FREM2: variants seen among roughly 807,000 people sequenced by gnomAD.
FREM2 encodes the protein FRAS1-related extracellular matrix protein 2.
FREM2 carries 119 observed loss-of-function variants against 219.9 expected under a neutral mutation model. That is an observed-to-expected ratio of 0.54 (90% confidence interval 0.47 to 0.63). FREM2 has a LOEUF of 0.63. FREM2 is among the 30% of genes least tolerant of loss of function. FREM2 has a pLI of 0.00. For missense variants in FREM2, 4,030 were observed against 3,993.6 expected (o/e 1.01, Z -0.25); for synonymous variants, 1,562 against 1,522.8 (o/e 1.03, Z -0.60).
intron 6 of FREM2, 69 bp downstream of exon 6, chr13:38,784,877 G>GA (rs1323287614): frequency 6.1e-6 from 9 of 1,484,870 alleles, no homozygotes; most frequent in Middle Eastern, 1.7e-4. Context: ...TTTCTAGACA[G>GA]AAAAAATGGG....
chr13:38,848,157 A>G (rs1877232352), intron 7 of FREM2, among the ~76,000 whole-genome samples: 1 of 152,190 alleles, frequency 6.6e-6, no homozygotes, highest in Non-Finnish European at 1.5e-5. Flanking sequence ...CCTGATTTTT[A>G]TTACCTTTAT....
chr13:38,727,042 A>G (rs1871557185), intron 2 of FREM2, among the ~76,000 whole-genome samples: 1 of 152,206 alleles, frequency 6.6e-6, no homozygotes, highest in East Asian at 1.9e-4. Flanking sequence ...GTGCGAAGAA[A>G]GTATTGTTTT....
Position 38,858,027 on chromosome 13 carries a change from T to C in FREM2, c.7209T>C (p.Cys2403=), listed in dbSNP as rs773183359. 8.7e-6 allele frequency: 14 copies of C among 1,613,466 alleles called. No individual in the cohort carries two copies. The highest frequency in any genetic ancestry group is 1.7e-5 in the Admixed American group (1 of 60,002). ...AEPMSGYPVI[C]ITACNPKYSD... is the part of the protein sequence containing the mutation. ...CCATGTCTGGCTATCCTGTCATCTG[T>C]ATCACAGTGAGTAGGAGATTCACAA... is the stretch of plus-strand genomic sequence containing the variant. The change falls in exon 13 of 24, where the codon TGT becomes TGC. Residue 2403 remains cysteine, a synonymous_variant. Coordinates refer to ENST00000280481, the MANE Select transcript of FREM2 (RefSeq NM_207361.6).
At chr13:38,801,022 C>G (rs2137850502) in intron 6 of FREM2, among the ~76,000 whole-genome samples, 1 of 152,312 alleles carries the variant, frequency 6.6e-6, no homozygotes, top group Non-Finnish European at 1.5e-5. Flanking sequence ...TACTAAATGT[C>G]ATGAAGACAT....
chr13:38,867,292 C>G (rs1878004461), intron 16 of FREM2, among the ~76,000 whole-genome samples: 1 of 152,206 alleles, frequency 6.6e-6, no homozygotes, highest in African/African-American at 2.4e-5. Context: ...TGTATGAGTT[C>G]CTTCTGAAAG....
chr13:38,758,717 C>T (rs1044714019), intron 2 of FREM2, among the ~76,000 whole-genome samples: 3 of 152,196 alleles, frequency 2.0e-5, no homozygotes, highest in Non-Finnish European at 4.4e-5. Context: ...AGAAGGTAAT[C>T]CTATCACGGA....
chr13:38,871,743 G>A (rs1022233455), intron 16 of FREM2, among the ~76,000 whole-genome samples: 1 of 152,074 alleles, frequency 6.6e-6, no homozygotes, highest in African/African-American at 2.4e-5. Flanking sequence ...TAATTATGGT[G>A]GAGAGTGAAA....
chr13:38,825,163 C>T (rs1593430334), intron 6 of FREM2, among the ~76,000 whole-genome samples: 1 of 152,110 alleles, frequency 6.6e-6, no homozygotes, highest in African/African-American at 2.4e-5. Flanking sequence ...TTATTACTGC[C>T]AAGACAACTG....
intron 11 of FREM2, among the ~76,000 whole-genome samples, chr13:38,852,892 G>A (rs1226281135): frequency 6.6e-6 from 1 of 151,782 alleles, no homozygotes; most frequent in East Asian, 2.0e-4. Flanking sequence ...TTTTGGTAGA[G>A]ATGGGGTTTT....
Position 38,784,728 on chromosome 13 carries a change from T to C in FREM2, c.5939T>C (p.Leu1980Pro), listed in dbSNP as rs1874257417. 6.2e-7 allele frequency: 1 copy of C among 1,613,988 alleles called. No individual in the cohort carries two copies. Among genetic ancestry groups the C allele is most frequent in the Non-Finnish European group, 8.5e-7 (1 of 1,179,984 alleles). The change falls in exon 6 of 24, where the codon CTT becomes CCT. Residue 1980 changes from leucine to proline, a missense_variant. Around this residue, in one of 2 missense-constraint regions of FREM2, gnomAD observed 3,102 missense variants for 2,950.7 expected, o/e 1.05. Coordinates refer to ENST00000280481, the MANE Select transcript of FREM2 (RefSeq NM_207361.6). Reference sequence around the variant, plus strand: ...GAGGAGGAGGAAACCTTCCATGTCCTTCTGAGCATGCCCATGGGGGGAAGA... The same window carrying C: ...GAGGAGGAGGAAACCTTCCATGTCCCTCTGAGCATGCCCATGGGGGGAAGA... ...LYEEEETFHV[L>P]LSMPMGGRIG...
chr13:38,790,964 G>T (rs1255941820), intron 6 of FREM2, among the ~76,000 whole-genome samples: 1 of 152,046 alleles, frequency 6.6e-6, no homozygotes, highest in Non-Finnish European at 1.5e-5. Context: ...CACCATTAAG[G>T]TGTCAGTGGG....
intron 2 of FREM2, among the ~76,000 whole-genome samples, chr13:38,725,302 G>C (rs529063200): frequency 2.2e-4 from 33 of 152,168 alleles, no homozygotes; most frequent in African/African-American, 7.7e-4. Context: ...ACATACATGG[G>C]AAACAAGTAG....
In FREM2 at chr13:38,759,393, C is replaced by T. The variant is rs1299525503; in HGVS notation, c.5264-4911C>T. Among the ~76,000 whole-genome samples, 9 of 145,112 alleles carry T rather than the reference C, an allele frequency of 6.2e-5. No homozygotes were observed. The South Asian group carries it at 1.5e-3, about 24-fold the overall frequency. ...TTAAATGCTTTGTCTTTAGAGAGAT[C>T]GGGCAGCCCTGAGCTTTTAGGGAGG... On this transcript the variant is annotated intron_variant, in intron 2 of 23. Coordinates refer to ENST00000280481, the MANE Select transcript of FREM2 (RefSeq NM_207361.6).
Position 38,690,975 on chromosome 13 carries a change from C to T in FREM2, c.3631C>T (p.Pro1211Ser). ...MEGMSLVIDT[P>S]ILNAADADVP... ...AGGCATGAGTCTGGTAATTGATACA[C>T]CCATTCTCAATGCTGCTGATGCTGA... The change falls in exon 1 of 24, where the codon CCC (proline) becomes TCC (serine). Residue 1211 changes from proline (P) to serine (S), a missense_variant. By Grantham distance (74) the Pro-to-Ser change is moderately conservative. This residue lies in a region of FREM2 where 3,102 missense variants were observed against 2,950.7 expected (regional missense o/e 1.05). Transcript: ENST00000280481. 1 of 1,613,942 alleles carries T rather than the reference C, an allele frequency of 6.2e-7. No homozygotes were observed. The highest frequency in any genetic ancestry group is 2.2e-5 in the East Asian group (1 of 44,874).
chr13:38,816,803 AT>A (rs1267562103), intron 6 of FREM2, among the ~76,000 whole-genome samples: 1 of 152,180 alleles, frequency 6.6e-6, no homozygotes, highest in African/African-American at 2.4e-5. Flanking sequence ...TGCAGATGAC[AT>A]GATCTTATAT....
intron 2 of FREM2, among the ~76,000 whole-genome samples, chr13:38,756,142 T>C (rs149059698): frequency 2.1e-4 from 32 of 152,352 alleles, no homozygotes; most frequent in African/African-American, 7.5e-4. Context: ...TGCTCCATTA[T>C]TTTTGAGTCC....
chr13:38,759,505 A>T (rs1873148413), intron 2 of FREM2, among the ~76,000 whole-genome samples: 1 of 151,966 alleles, frequency 6.6e-6, no homozygotes, highest in Admixed American at 6.6e-5. Flanking sequence ...AAGTCTAAAG[A>T]CCAGCTGGAT....
In FREM2 at chr13:38,689,268, G is replaced by C. The variant is rs772360572; in HGVS notation, c.1924G>C (p.Glu642Gln). ...GGCATTTTATGAGCGAACAGTGACA[G>C]AGTGGCAGCAGCAGGACATAACAGA... Reference protein sequence around the residue: ...EGAFYERTVTEWQQQDITEGR... With the variant: ...EGAFYERTVTQWQQQDITEGR... The change falls in exon 1 of 24, where the codon GAG (glutamate) becomes CAG (glutamine). Residue 642 changes from glutamate to glutamine, a missense_variant. Around this residue, in one of 2 missense-constraint regions of FREM2, gnomAD observed 3,102 missense variants for 2,950.7 expected, o/e 1.05. Transcript: ENST00000280481. 2 of 1,614,126 alleles carry C rather than the reference G, an allele frequency of 1.2e-6. No homozygotes were observed. Among genetic ancestry groups the C allele is most frequent in the East Asian group, 2.2e-5 (1 of 44,860 alleles).
intron 2 of FREM2, among the ~76,000 whole-genome samples, chr13:38,751,057 G>A (rs1669845264): frequency 6.6e-6 from 1 of 152,048 alleles, no homozygotes; most frequent in African/African-American, 2.4e-5. Context: ...GATAAGCACT[G>A]AGGTTGATTC....
Sources: allele counts gnomAD v4.1 joint callset (sites outside exome capture counted in the v4.1 genomes callset), GRCh38; gene constraint gnomAD v4.1.1; regional missense constraint gnomAD v4.1.1; transcripts MANE v1.5; gene names NCBI Gene and HGNC (gene_info 2026-07-23, HGNC 2026-07-21).